ELAPOR1: variants seen among roughly 807,000 people sequenced by gnomAD.
ELAPOR1 encodes the protein endosome-lysosome associated apoptosis and autophagy regulator 1.
In ELAPOR1, 77 loss-of-function variants were observed where a neutral mutation model predicts 119.7. The ratio of observed to expected loss-of-function variants is 0.64; its 90% CI spans 0.54 to 0.78. The LOEUF is 0.78. Ranked by LOEUF, ELAPOR1 falls within the 30% of genes least tolerant of loss-of-function variation. ELAPOR1 has a pLI of 0.00. For synonymous variants in ELAPOR1, 481 were observed against 487.2 expected, an observed-to-expected ratio of 0.99 and a Z score of 0.17; for missense variants, 1,115 against 1,270.4, an observed-to-expected ratio of 0.88 and a Z score of 1.86.
At chr1:109,158,216 TA>T (rs1480881514) in intron 1 of ELAPOR1, among the ~76,000 whole-genome samples, 1 of 152,092 alleles carries the variant, frequency 6.6e-6, no homozygotes, top group Admixed American at 6.6e-5. Flanking sequence ...TAATCATTTT[TA>T]AAAGTAACAG....
At chr1:109,176,950 G>A (rs1426434603) in intron 7 of ELAPOR1, among the ~76,000 whole-genome samples, 1 of 145,226 alleles carries the variant, frequency 6.9e-6, no homozygotes, top group Non-Finnish European at 1.5e-5. Flanking sequence ...AGGATCCCAA[G>A]GCAGAAGAAT....
At chr1:109,182,218 T>C (rs1652739864) in intron 7 of ELAPOR1, among the ~76,000 whole-genome samples, 1 of 152,004 alleles carries the variant, frequency 6.6e-6, no homozygotes, top group African/African-American at 2.4e-5. Context: ...TAATCCCAGC[T>C]ACTCAGGAGG....
At chr1:109,191,526 T>C in intron 12 of ELAPOR1, 55 bp downstream of exon 12, 1 of 1,505,188 alleles carries the variant, frequency 6.6e-7, no homozygotes, top group Non-Finnish European at 9.2e-7. Flanking sequence ...GTTAGCCCCA[T>C]CTGCCCCATT....
chr1:109,164,456 C>T (rs1271972446), intron 2 of ELAPOR1, 43 bp from the exon 3 acceptor site: 3 of 1,553,494 alleles, frequency 1.9e-6, no homozygotes, highest in African/African-American at 2.7e-5. Flanking sequence ...TCTGGGGCTG[C>T]AGTGACCTCA....
At chr1:109,131,781 G>A (rs1649161610) in intron 1 of ELAPOR1, among the ~76,000 whole-genome samples, 2 of 152,200 alleles carry the variant, frequency 1.3e-5, no homozygotes, top group South Asian at 2.1e-4. Flanking sequence ...GCCTAGGGCA[G>A]TACCCAAATC....
chr1:109,184,984 A>C, intron 7 of ELAPOR1, 61 bp from the exon 8 acceptor site: 1 of 1,296,182 alleles, frequency 7.7e-7, no homozygotes, highest in Non-Finnish European at 1.1e-6. Context: ...GGCCATGAAG[A>C]GGCCAGGAGC....
chr1:109,131,054 CAG>C (rs377623735), intron 1 of ELAPOR1, among the ~76,000 whole-genome samples: 294 of 152,268 alleles, frequency 1.9e-3, no homozygotes, highest in African/African-American at 6.5e-3. Context: ...GATTCTGGCT[CAG>C]AGTCTCTTAG....
intron 16 of ELAPOR1, 88 bp downstream of exon 16, chr1:109,197,742 T>G (rs17014532): frequency 0.25 from 353,809 of 1,396,662 alleles, 48,069 homozygotes; most frequent in East Asian, 0.51. Flanking sequence ...AGGTTACCAG[T>G]CTGGGAGGTA....
At chr1:109,198,116 ACTC>A (rs1218218848) in intron 17 of ELAPOR1, 41 bp downstream of exon 17, 10 of 1,475,774 alleles carry the variant, frequency 6.8e-6, no homozygotes, top group Middle Eastern at 1.7e-4. Flanking sequence ...GAAACCTAGG[ACTC>A]CTCCATAATT....
intron 1 of ELAPOR1, among the ~76,000 whole-genome samples, chr1:109,153,865 G>C (rs934643580): frequency 1.3e-5 from 2 of 151,932 alleles, no homozygotes; most frequent in African/African-American, 4.8e-5. Flanking sequence ...CTCGATTACA[G>C]GCGTGAACCA....
At chr1:109,191,556 C>A in intron 12 of ELAPOR1, 85 bp downstream of exon 12, 2 of 1,386,628 alleles carry the variant, frequency 1.4e-6, no homozygotes, top group South Asian at 1.2e-5. Flanking sequence ...ACGTGACTGA[C>A]ACCCCCCCTT....
chr1:109,118,726 A>C (rs1648188327), intron 1 of ELAPOR1, among the ~76,000 whole-genome samples: 3 of 152,104 alleles, frequency 2.0e-5, no homozygotes. Flanking sequence ...AGGAGTTACT[A>C]TCCAAAATGC....
chr1:109,201,964 G>T (rs571012019), intron 21 of ELAPOR1, among the ~76,000 whole-genome samples: 1 of 152,186 alleles, frequency 6.6e-6, no homozygotes, highest in Non-Finnish European at 1.5e-5. Context: ...GCTGGGTGTT[G>T]TGGAGCATGC....
chr1:109,191,834 G>A lies in ELAPOR1; in HGVS notation c.1654G>A (p.Ala552Thr). Residue 552 changes from alanine to threonine, a missense_variant, in exon 13 of 22, where the codon GCC becomes ACC. Transcript: ENST00000369939. ...EENTTTSFTW[A>T]FQRTTFHEAS... ...GAACACTACCACGAGCTTCACCTGG[G>A]CCTTCCAGAGGACCACTTTTCATGA... is the stretch of plus-strand genomic sequence containing the variant. 1 of 1,614,166 alleles carries A rather than the reference G, an allele frequency of 6.2e-7. No homozygotes were observed. The highest frequency in any genetic ancestry group is 8.5e-7 in the Non-Finnish European group (1 of 1,180,020).
chr1:109,129,618 T>C (rs1239709768), intron 1 of ELAPOR1, among the ~76,000 whole-genome samples: 2 of 152,038 alleles, frequency 1.3e-5, no homozygotes, highest in East Asian at 3.9e-4. Context: ...GTTACAGAGA[T>C]CAAGTGCATG....
intron 13 of ELAPOR1, 84 bp from the exon 14 acceptor site, chr1:109,192,527 A>T: frequency 7.2e-7 from 1 of 1,387,712 alleles, no homozygotes; most frequent in African/African-American, 1.4e-5. Flanking sequence ...ATAGAAGATT[A>T]AGTACCTTGC....
intron 1 of ELAPOR1, among the ~76,000 whole-genome samples, chr1:109,125,541 C>T (rs970369951): frequency 6.6e-6 from 1 of 151,936 alleles, no homozygotes; most frequent in Non-Finnish European, 1.5e-5. Flanking sequence ...TACAGGCGTG[C>T]ACCACCAGGC....
chr1:109,193,545 C>T (rs1393853936), intron 14 of ELAPOR1, among the ~76,000 whole-genome samples: 9 of 152,088 alleles, frequency 5.9e-5, no homozygotes, highest in African/African-American at 2.2e-4. Flanking sequence ...AAAATAAAGG[C>T]ACATTAAAAA....
chr1:109,172,772 T>A (rs1200528549), intron 5 of ELAPOR1, among the ~76,000 whole-genome samples: 1 of 152,140 alleles, frequency 6.6e-6, no homozygotes, highest in Non-Finnish European at 1.5e-5. Flanking sequence ...ATGGCTTGAC[T>A]CCAAAGACCA....
Sources: allele counts gnomAD v4.1 joint callset (sites outside exome capture counted in the v4.1 genomes callset), GRCh38; gene constraint gnomAD v4.1.1; transcripts MANE v1.5; gene names NCBI Gene and HGNC (gene_info 2026-07-23, HGNC 2026-07-21).